ATM: variants seen among roughly 807,000 people sequenced by gnomAD.
ATM encodes the protein serine-protein kinase ATM.
A neutral mutation model predicts 387.0 loss-of-function variants in ATM; 308 were observed. The ratio of observed to expected loss-of-function variants is 0.80; its 90% CI spans 0.73 to 0.87. The LOEUF (loss-of-function observed/expected upper bound fraction) is 0.87. Among genes scored for constraint, ATM ranks in the 40% least tolerant of loss-of-function variants. ATM has a pLI of 0.00. For missense variants in ATM, 3,312 were observed against 3,560.9 expected (o/e 0.93, Z 1.78); for synonymous variants, 1,156 against 1,187.3 (o/e 0.97, Z 0.54).
rs786203086 is a variant in ATM at position 108,304,814 on chromosome 11, A to G, written c.5636A>G (p.Gln1879Arg). ...ACCAGCTGTCTTCGACACTTCTCGC[A>G]AACGAGCCGATCCACAACCCCTGCA... Reference protein sequence around the residue: ...FFTSCLRHFSQTSRSTTPANL... With the variant: ...FFTSCLRHFSRTSRSTTPANL... The change falls in exon 37 of 63, where the codon CAA becomes CGA. Residue 1879 changes from glutamine (Q) to arginine (R), a missense_variant. Gln to Arg is a conservative substitution (Grantham distance 43). Transcript: ENST00000675843. 1 of 1,613,498 alleles carries G rather than the reference A, an allele frequency of 6.2e-7. No homozygotes were observed. Among genetic ancestry groups the G allele is most frequent in the African/African-American group, 1.3e-5 (1 of 75,052 alleles).
chr11:108,319,535 G>A (rs184148433), intron 43 of ATM, among the ~76,000 whole-genome samples: 15 of 152,190 alleles, frequency 9.9e-5, no homozygotes, highest in African/African-American at 3.6e-4. Context: ...TAGCCATTTT[G>A]TTTTGTTACC....
intron 40 of ATM, among the ~76,000 whole-genome samples, chr11:108,314,871 A>G (rs1322374584): frequency 1.3e-5 from 2 of 152,214 alleles, no homozygotes; most frequent in Admixed American, 6.5e-5. Context: ...GTGTTTATCA[A>G]TACCGTAAGT....
At chr11:108,302,822 T>C in intron 35 of ATM, 31 bp from the exon 36 acceptor site, 1 of 1,573,974 alleles carries the variant, frequency 6.4e-7, no homozygotes, top group Non-Finnish European at 8.7e-7. Context: ...CCACTTCTCT[T>C]ATTTACATTT....
chr11:108,351,691 G>A (rs767442939), intron 59 of ATM, among the ~76,000 whole-genome samples: 2 of 152,164 alleles, frequency 1.3e-5, no homozygotes, highest in Non-Finnish European at 2.9e-5. Context: ...GAAGGAAGTG[G>A]AAGTTAAGGG....
chr11:108,282,970 A>G, intron 25 of ATM, 91 bp downstream of exon 25: 1 of 803,726 alleles, frequency 1.2e-6, no homozygotes, highest in Non-Finnish European at 2.0e-6. Context: ...CACACATACC[A>G]TACCCATACA....
At chr11:108,244,163 G>T in intron 6 of ATM, 45 bp downstream of exon 6, 1 of 1,602,156 alleles carries the variant, frequency 6.2e-7, no homozygotes, top group South Asian at 1.1e-5. Flanking sequence ...AAATACTTTT[G>T]ATCTTGCAAG....
Position 108,317,411 on chromosome 11 carries a change from C to G in ATM, c.6237C>G (p.Val2079=), listed in dbSNP as rs1446399368. Residue 2079 remains valine, a synonymous_variant, in exon 43 of 63, where the codon GTC becomes GTG. Transcript: ENST00000675843. The stretch of plus-strand genomic sequence containing the variant: ...TGGGACTCTGCCATATTCTTTCCGT[C>G]TATTTAAAAGGATTGGATTATGAAA... ...QNLGLCHILS[V]YLKGLDYENK... is the part of the protein sequence containing the mutation. The G allele has an allele frequency of 4.3e-6, 7 of 1,611,944 alleles. No individual in the cohort carries two copies. Among genetic ancestry groups the G allele is most frequent in the Non-Finnish European group, 5.9e-6 (7 of 1,179,028 alleles).
At chr11:108,305,836 A>G (rs2083664315) in intron 37 of ATM, among the ~76,000 whole-genome samples, 2 of 152,174 alleles carry the variant, frequency 1.3e-5, no homozygotes, top group South Asian at 4.1e-4. Context: ...TAAATTTTAT[A>G]AAAGGATACA....
chr11:108,224,637 G>A (rs919752549), intron 1 of ATM: 2 of 152,078 alleles, frequency 1.3e-5, no homozygotes, highest in Non-Finnish European at 2.9e-5. Flanking sequence ...CTGAAGTGTT[G>A]GTCCTCTAGC....
intron 10 of ATM, 51 bp from the exon 11 acceptor site, chr11:108,251,786 T>G (rs2080158771): frequency 6.3e-7 from 1 of 1,577,380 alleles, no homozygotes; most frequent in Admixed American, 1.7e-5. Context: ...AGATAAAGTC[T>G]TTGCCCCTCC....
chr11:108,340,003 C>T (rs1040262854), intron 56 of ATM, among the ~76,000 whole-genome samples: 5 of 152,084 alleles, frequency 3.3e-5, no homozygotes, highest in Non-Finnish European at 7.4e-5. Flanking sequence ...AGTGCTAGGT[C>T]TATAGAAGTA....
chr11:108,266,456 AGG>A (rs1377206502), intron 16 of ATM, among the ~76,000 whole-genome samples: 1 of 134,790 alleles, frequency 7.4e-6, no homozygotes, highest in Non-Finnish European at 1.5e-5. Context: ...GGACACAGGA[AGG>A]GGAATATCAC....
chr11:108,245,821 C>CTTT (rs369306448), intron 7 of ATM, among the ~76,000 whole-genome samples: 17 of 129,858 alleles, frequency 1.3e-4, no homozygotes, highest in Non-Finnish European at 1.5e-4. Flanking sequence ...CTTGTAGCCA[C>CTTT]TTTTTTTTTT....
At chr11:108,287,829 A>C (rs2082574538) in intron 27 of ATM, 114 bp downstream of exon 27, 1 of 773,738 alleles carries the variant, frequency 1.3e-6, no homozygotes, top group Non-Finnish European at 2.1e-6. Flanking sequence ...TCTTTTTAAA[A>C]AATTTTCTTT....
At chr11:108,343,475 C>T (rs983121102) in intron 57 of ATM, 104 bp downstream of exon 57, 11 of 1,370,506 alleles carry the variant, frequency 8.0e-6, no homozygotes, top group Non-Finnish European at 1.0e-5. Flanking sequence ...TTAATTTCAT[C>T]AGGTAATTGT....
chr11:108,308,018 A>G (rs2135979162), intron 38 of ATM, 34 bp downstream of exon 38: 2 of 1,560,358 alleles, frequency 1.3e-6, no homozygotes, highest in Non-Finnish European at 1.8e-6. Context: ...TACGTTTAGG[A>G]TCTAGAGTGT....
rs587779848 is a variant in ATM at position 108,302,886 on chromosome 11, C to G, written c.5353C>G (p.Pro1785Ala). The change falls in exon 36 of 63, where the codon CCT becomes GCT. Residue 1785 changes from proline (P) to alanine (A), a missense_variant. Physicochemically the swap from Pro to Ala is conservative, Grantham distance 27. Coordinates refer to ENST00000675843, the MANE Select transcript of ATM (RefSeq NM_000051.4). ...LEVPRFDKEN[P>A]FEGLDDINLW... ...AGTACCCAGATTTGACAAAGAAAAC[C>G]CTTTTGAAGGCCTGGATGATATAAA... 6.2e-7 allele frequency: 1 copy of G among 1,612,940 alleles called. No individual in the cohort carries two copies. Among genetic ancestry groups the G allele is most frequent in the African/African-American group, 1.3e-5 (1 of 74,958 alleles).
chr11:108,321,786 CAA>C (rs770391775), intron 45 of ATM, among the ~76,000 whole-genome samples: 1 of 122,782 alleles, frequency 8.1e-6, no homozygotes, highest in Non-Finnish European at 1.8e-5. Context: ...GACTCTGTCT[CAA>C]AAAAAAAAAA....
chr11:108,304,172 C>T (rs934171805), intron 36 of ATM, among the ~76,000 whole-genome samples: 1 of 152,134 alleles, frequency 6.6e-6, no homozygotes, highest in East Asian at 1.9e-4. Context: ...AAATTTTATG[C>T]CCAGAAGTTG....
Sources: allele counts gnomAD v4.1 joint callset (sites outside exome capture counted in the v4.1 genomes callset), GRCh38; gene constraint gnomAD v4.1.1; transcripts MANE v1.5; gene names NCBI Gene and HGNC (gene_info 2026-07-23, HGNC 2026-07-21).